KLF12: variants seen among roughly 807,000 people sequenced by gnomAD.
The protein encoded by KLF12 is KLF transcription factor 12, also known as Krueppel-like factor 12.
A neutral mutation model predicts 37.8 loss-of-function variants in KLF12; 9 were observed. The observed-to-expected ratio is 0.24, with a 90% CI of 0.14 to 0.42. KLF12 has a LOEUF of 0.42. KLF12 is among the 10% of genes least tolerant of loss of function. The probability of loss-of-function intolerance (pLI) is 1.00; values close to 1 mark genes in which losing one functional copy is unlikely to be tolerated. For missense variants in KLF12, 411 were observed against 516.0 expected, an observed-to-expected ratio of 0.80 and a Z score of 1.97; for synonymous variants, 208 against 202.1, an observed-to-expected ratio of 1.03 and a Z score of -0.25.
intron 6 of KLF12, among the ~76,000 whole-genome samples, chr13:73,721,225 T>C (rs9573281): frequency 0.75 from 114,296 of 152,180 alleles, 43,054 homozygotes; most frequent in Middle Eastern, 0.89. Context: ...GCGGCTACAC[T>C]AAAACTCAGA....
intron 3 of KLF12, among the ~76,000 whole-genome samples, chr13:73,940,817 C>T (rs1374791603): frequency 6.6e-6 from 1 of 152,184 alleles, no homozygotes; most frequent in Non-Finnish European, 1.5e-5. Context: ...GCAGCCAGAA[C>T]TTTTCACAGA....
At chr13:73,744,128 G>A (rs980848799) in intron 6 of KLF12, among the ~76,000 whole-genome samples, 1 of 152,084 alleles carries the variant, frequency 6.6e-6, no homozygotes, top group Non-Finnish European at 1.5e-5. Context: ...GTTAAATACC[G>A]CTGTTAAGTC....
chr13:74,015,480 T>C (rs773533000), intron 1 of KLF12, among the ~76,000 whole-genome samples: 1 of 152,094 alleles, frequency 6.6e-6, no homozygotes, highest in East Asian at 1.9e-4. Flanking sequence ...TTGTTATCAT[T>C]GTTATTATTA....
intron 1 of KLF12, among the ~76,000 whole-genome samples, chr13:74,008,008 A>T (rs535591450): frequency 6.6e-6 from 1 of 152,312 alleles, no homozygotes; most frequent in Admixed American, 6.5e-5. Flanking sequence ...TAACAGTTAC[A>T]TTGAGAGAGT....
At chr13:73,877,557 A>T (rs1886773168) in intron 3 of KLF12, among the ~76,000 whole-genome samples, 1 of 152,282 alleles carries the variant, frequency 6.6e-6, no homozygotes, top group African/African-American at 2.4e-5. Flanking sequence ...GCATTTTGAA[A>T]ATATTATCCC....
At chr13:74,167,836 T>C in the KLF12 span, among the ~76,000 whole-genome samples, 1 of 152,258 alleles carries the variant, frequency 6.6e-6, no homozygotes, top group African/African-American at 2.4e-5. Flanking sequence ...AACAGGGTAC[T>C]TGTTAATTTA....
At chr13:74,271,629 C>A in the KLF12 span, among the ~76,000 whole-genome samples, 1 of 152,172 alleles carries the variant, frequency 6.6e-6, no homozygotes, top group Non-Finnish European at 1.5e-5. Context: ...CATTTCATAT[C>A]CAGCTTTTTG....
chr13:74,095,524 G>C (rs1159632017), intron 1 of KLF12, among the ~76,000 whole-genome samples: 6 of 151,674 alleles, frequency 4.0e-5, no homozygotes, highest in South Asian at 2.1e-4. Context: ...AAATAGCTGG[G>C]ACTACAGGCA....
chr13:73,737,895 G>GCCCC (rs1205179544), intron 6 of KLF12, among the ~76,000 whole-genome samples: 1 of 151,588 alleles, frequency 6.6e-6, no homozygotes, highest in African/African-American at 2.4e-5. Flanking sequence ...TTGCACTTTG[G>GCCCC]CACTAATACG....
chr13:74,299,128 T>C, the KLF12 span, among the ~76,000 whole-genome samples: 3 of 152,230 alleles, frequency 2.0e-5, no homozygotes, highest in African/African-American at 7.2e-5. Context: ...GCAAAGGCCC[T>C]GAGGCTGACA....
At chr13:74,079,262 AT>A (rs1354124589) in intron 1 of KLF12, among the ~76,000 whole-genome samples, 1 of 152,136 alleles carries the variant, frequency 6.6e-6, no homozygotes, top group Admixed American at 6.6e-5. Context: ...GGGTAAAGAG[AT>A]TCCATTTTGC....
chr13:74,185,285 T>C, the KLF12 span, among the ~76,000 whole-genome samples: 4 of 152,216 alleles, frequency 2.6e-5, no homozygotes, highest in Non-Finnish European at 5.9e-5. Flanking sequence ...CCCCAAATGG[T>C]CTTACACAGT....
At position 73,689,777 on chromosome 13, in the gene KLF12, A is replaced by G. The variant is rs1233464539; in HGVS notation, c.*5713T>C. On this transcript the variant is annotated 3_prime_UTR_variant, in exon 8 of 8. Transcript: ENST00000377669. ...ATGTAAAGATGAATTTGTGCGTTTGATATGAGTGGATAAAATGAACAAGCA... is the reference window on the plus strand; with the variant it reads ...ATGTAAAGATGAATTTGTGCGTTTGGTATGAGTGGATAAAATGAACAAGCA... 3 of 152,194 alleles carry G rather than the reference A, an allele frequency of 2.0e-5. No homozygotes were observed. Among genetic ancestry groups the G allele is most frequent in the Non-Finnish European group, 4.4e-5 (3 of 68,028 alleles). The allele number at this position is 152,194 out of a possible 1,614,324, so 9.4% of individuals were successfully genotyped here. A position where few individuals can be genotyped will look rare whatever the true frequency, so the allele number is the denominator to read the frequency against.
At chr13:73,972,835 A>G (rs1422373004) in intron 2 of KLF12, among the ~76,000 whole-genome samples, 1 of 151,302 alleles carries the variant, frequency 6.6e-6, no homozygotes, top group Non-Finnish European at 1.5e-5. Flanking sequence ...ATCAGTACCA[A>G]AAAAGGATCA....
chr13:73,786,647 C>T (rs1243884716), intron 5 of KLF12, among the ~76,000 whole-genome samples: 2 of 151,794 alleles, frequency 1.3e-5, no homozygotes, highest in Non-Finnish European at 2.9e-5. Flanking sequence ...CTTTGGGAGG[C>T]CGAGGTGGGA....
intron 2 of KLF12, among the ~76,000 whole-genome samples, chr13:73,946,196 A>C (rs1333932256): frequency 6.6e-6 from 1 of 152,194 alleles, no homozygotes; most frequent in Non-Finnish European, 1.5e-5. Context: ...TGCCCAGATG[A>C]GAAGGCAAGA....
the KLF12 span, among the ~76,000 whole-genome samples, chr13:74,305,416 G>C: frequency 7.2e-5 from 11 of 151,896 alleles, no homozygotes; most frequent in Admixed American, 6.6e-4. Context: ...AGGCCACAGA[G>C]GGTCACTACA....
the KLF12 span, among the ~76,000 whole-genome samples, chr13:74,139,265 T>C: frequency 3.3e-5 from 5 of 152,230 alleles, no homozygotes; most frequent in Admixed American, 1.3e-4. Context: ...TATTGTTGGC[T>C]CACCTATTAC....
the KLF12 span, among the ~76,000 whole-genome samples, chr13:74,209,977 C>T: frequency 2.4e-3 from 367 of 152,230 alleles, 1 homozygote; most frequent in African/African-American, 8.5e-3. Flanking sequence ...TTAAAAGATG[C>T]CCAAAGTCAG....
Sources: allele counts gnomAD v4.1 joint callset (sites outside exome capture counted in the v4.1 genomes callset), GRCh38; gene constraint gnomAD v4.1.1; transcripts MANE v1.5; gene names NCBI Gene and HGNC (gene_info 2026-07-23, HGNC 2026-07-21).